The following SCAPER variants were observed in gnomAD, a reference collection of about 807,000 sequenced individuals.
The protein encoded by SCAPER is S-phase cyclin A associated protein in the ER.
A neutral mutation model predicts 182.2 loss-of-function variants in SCAPER; 98 were observed. The ratio of observed to expected loss-of-function variants is 0.54; its 90% CI spans 0.46 to 0.64. SCAPER has a LOEUF of 0.64. Ranked by LOEUF, SCAPER falls within the 30% of genes least tolerant of loss-of-function variation. The pLI, the probability that SCAPER is intolerant of heterozygous loss-of-function variation, is 0.00. For synonymous variants in SCAPER, 605 were observed against 564.6 expected, an observed-to-expected ratio of 1.07 and a Z score of -1.01; for missense variants, 1,432 against 1,690.0, an observed-to-expected ratio of 0.85 and a Z score of 2.68.
At chr15:76,470,300 AGT>A (rs2050042115) in intron 25 of SCAPER, among the ~76,000 whole-genome samples, 1 of 152,192 alleles carries the variant, frequency 6.6e-6, no homozygotes, top group Non-Finnish European at 1.5e-5. Flanking sequence ...AATACAGTTC[AGT>A]GTGATCAATT....
intron 15 of SCAPER, among the ~76,000 whole-genome samples, chr15:76,744,513 T>TCCAACTAA: frequency 6.6e-6 from 1 of 151,838 alleles, no homozygotes; most frequent in South Asian, 2.1e-4. Context: ...CATACAAGTG[T>TCCAACTAA]CCAACTAACA....
chr15:76,424,224 A>T (rs948374767), intron 26 of SCAPER, among the ~76,000 whole-genome samples: 1 of 152,158 alleles, frequency 6.6e-6, no homozygotes, highest in East Asian at 1.9e-4. Context: ...GGGATGTTAA[A>T]GTCTCCCATT....
chr15:76,735,124 T>C (rs564758065), intron 15 of SCAPER, among the ~76,000 whole-genome samples: 13 of 152,082 alleles, frequency 8.5e-5, no homozygotes, highest in East Asian at 7.7e-4. Context: ...GGCAGGAGGA[T>C]TGCTTGAGCC....
chr15:76,649,104 G>T lies in SCAPER; in HGVS notation c.2645+16549C>A, dbSNP rs542339115. ...CTCGAGCGCCCCTCTCTTTCTGCAGGAGAGAGAGCTGTTCTCCTTTCTCTT... is the reference window on the plus strand; with the variant it reads ...CTCGAGCGCCCCTCTCTTTCTGCAGTAGAGAGAGCTGTTCTCCTTTCTCTT... On this transcript the variant is annotated intron_variant, in intron 21 of 31. Transcript: ENST00000563290. Among the ~76,000 whole-genome samples the T allele has an allele frequency of 3.0e-4, 37 of 124,696 alleles. 1 individual carries two copies. The South Asian group carries it at 8.6e-3, about 29-fold the overall frequency. 81.8% of individuals were successfully genotyped at this position (124,696 alleles called of 152,430 possible). A position where few individuals can be genotyped will look rare whatever the true frequency, so the allele number is the denominator to read the frequency against.
chr15:76,666,098 C>G (rs961223968), intron 20 of SCAPER, among the ~76,000 whole-genome samples: 1 of 152,094 alleles, frequency 6.6e-6, no homozygotes, highest in African/African-American at 2.4e-5. Context: ...ATAATATCAT[C>G]TATAATACCA....
At chr15:76,609,416 G>T (rs543894655) in intron 22 of SCAPER, among the ~76,000 whole-genome samples, 1 of 151,990 alleles carries the variant, frequency 6.6e-6, no homozygotes, top group South Asian at 2.1e-4. Context: ...GAACCCAGGT[G>T]GCTGAGGTTA....
intron 5 of SCAPER, among the ~76,000 whole-genome samples, chr15:76,834,366 T>G (rs1481245649): frequency 2.0e-5 from 3 of 152,178 alleles, no homozygotes; most frequent in South Asian, 4.1e-4. Context: ...GAGGAAAGTT[T>G]ATAGCACTAA....
chr15:76,705,361 A>T (rs1313781816), intron 18 of SCAPER, among the ~76,000 whole-genome samples: 3 of 133,052 alleles, frequency 2.3e-5, no homozygotes, highest in Non-Finnish European at 4.7e-5. Flanking sequence ...GAACACATGG[A>T]CACAGGAAGG....
chr15:76,863,396 A>G (rs998270190), intron 2 of SCAPER, among the ~76,000 whole-genome samples: 3 of 152,194 alleles, frequency 2.0e-5, no homozygotes, highest in African/African-American at 7.2e-5. Context: ...CAGTCCAATT[A>G]GTAGGTGCCT....
At chr15:76,881,199 G>A (rs898359213) in intron 2 of SCAPER, among the ~76,000 whole-genome samples, 6 of 152,144 alleles carry the variant, frequency 3.9e-5, no homozygotes, top group African/African-American at 1.2e-4. Flanking sequence ...GGGTTCAAGC[G>A]ATTCTCATGC....
intron 21 of SCAPER, among the ~76,000 whole-genome samples, chr15:76,640,263 A>G (rs1467018138): frequency 6.6e-6 from 1 of 152,206 alleles, no homozygotes; most frequent in Non-Finnish European, 1.5e-5. Context: ...ACAAACTGTT[A>G]TATGGATGGG....
At chr15:76,548,097 T>C (rs1024991307) in intron 23 of SCAPER, among the ~76,000 whole-genome samples, 1 of 109,636 alleles carries the variant, frequency 9.1e-6, no homozygotes, top group Non-Finnish European at 1.9e-5. Context: ...AAAATCTTAT[T>C]TCTTTTAGCC....
chr15:76,578,112 C>T (rs969298153), intron 22 of SCAPER, among the ~76,000 whole-genome samples: 1 of 151,462 alleles, frequency 6.6e-6, no homozygotes, highest in African/African-American at 2.4e-5. Context: ...GAAGAGACTC[C>T]TATGACTATA....
At chr15:76,768,614 T>A (rs1399407572) in intron 10 of SCAPER, among the ~76,000 whole-genome samples, 2 of 152,094 alleles carry the variant, frequency 1.3e-5, no homozygotes, top group African/African-American at 2.4e-5. Context: ...ATGGAGAATA[T>A]ACTAAAAAAC....
intron 22 of SCAPER, among the ~76,000 whole-genome samples, chr15:76,609,295 T>C (rs991438760): frequency 6.6e-6 from 1 of 150,882 alleles, no homozygotes; most frequent in African/African-American, 2.4e-5. Flanking sequence ...AAGATCAGCC[T>C]GGGCAACAAT....
intron 29 of SCAPER, among the ~76,000 whole-genome samples, chr15:76,360,482 A>C (rs1171417938): frequency 6.6e-6 from 1 of 152,114 alleles, no homozygotes; most frequent in Non-Finnish European, 1.5e-5. Flanking sequence ...TCCTCACCTC[A>C]AAGGCCCATC....
intron 23 of SCAPER, among the ~76,000 whole-genome samples, chr15:76,513,077 T>C (rs1337730787): frequency 6.6e-6 from 1 of 152,120 alleles, no homozygotes; most frequent in Non-Finnish European, 1.5e-5. Flanking sequence ...CAAGCCCTAT[T>C]CATCCATCAC....
chr15:76,520,212 G>C (rs369578014), intron 23 of SCAPER, among the ~76,000 whole-genome samples: 2 of 151,914 alleles, frequency 1.3e-5, no homozygotes, highest in Non-Finnish European at 2.9e-5. Flanking sequence ...GCTATCTTTT[G>C]TTTTTTTGTT....
chr15:76,626,316 G>C (rs2052565970), intron 21 of SCAPER, among the ~76,000 whole-genome samples: 1 of 152,108 alleles, frequency 6.6e-6, no homozygotes. Context: ...GTTTGACTCT[G>C]TATAAACTAT....
Sources: allele counts gnomAD v4.1 joint callset (sites outside exome capture counted in the v4.1 genomes callset), GRCh38; gene constraint gnomAD v4.1.1; transcripts MANE v1.5; gene names NCBI Gene and HGNC (gene_info 2026-07-23, HGNC 2026-07-21).